GRM7: variants seen among roughly 807,000 people sequenced by gnomAD.
The protein encoded by GRM7 is metabotropic glutamate receptor 7.
A neutral mutation model predicts 84.5 loss-of-function variants in GRM7; 35 were observed. That is an observed-to-expected ratio of 0.41 (90% confidence interval 0.32 to 0.55). The LOEUF (loss-of-function observed/expected upper bound fraction) is 0.55, where lower values mean the gene tolerates loss of function less well. Ranked by LOEUF, GRM7 falls within the 20% of genes least tolerant of loss-of-function variation. The probability of loss-of-function intolerance (pLI) is 0.19; values close to 1 mark genes in which losing one functional copy is unlikely to be tolerated. For missense variants in GRM7, 1,003 were observed against 1,194.6 expected, an observed-to-expected ratio of 0.84 and a Z score of 2.36; for synonymous variants, 487 against 455.1, an observed-to-expected ratio of 1.07 and a Z score of -0.89.
chr3:7,487,725 G>A (rs553014399), intron 7 of GRM7, among the ~76,000 whole-genome samples: 7 of 152,298 alleles, frequency 4.6e-5, no homozygotes, highest in Admixed American at 6.5e-5. Flanking sequence ...GGATGTATCC[G>A]GAAGACTGGG....
intron 9 of GRM7, among the ~76,000 whole-genome samples, chr3:7,696,586 G>A (rs79026811): frequency 0.016 from 2,455 of 152,288 alleles, 77 homozygotes; most frequent in African/African-American, 0.056. Flanking sequence ...ACCTTAAACA[G>A]AACACTTCCA....
chr3:7,489,698 A>G (rs576608732), intron 7 of GRM7, among the ~76,000 whole-genome samples: 3 of 152,114 alleles, frequency 2.0e-5, no homozygotes, highest in Admixed American at 6.6e-5. Flanking sequence ...ACAATATTAT[A>G]CATTGATTAA....
intron 1 of GRM7, among the ~76,000 whole-genome samples, chr3:7,111,618 T>C (rs1013338116): frequency 2.0e-5 from 3 of 152,164 alleles, no homozygotes; most frequent in African/African-American, 7.2e-5. Context: ...ACTCAATCTA[T>C]GATTAAAACA....
chr3:7,672,499 A>G (rs1376241894), intron 8 of GRM7, among the ~76,000 whole-genome samples: 2 of 152,182 alleles, frequency 1.3e-5, no homozygotes, highest in Non-Finnish European at 2.9e-5. Context: ...GACTCCATTA[A>G]AGCCTTTTTG....
intron 2 of GRM7, among the ~76,000 whole-genome samples, chr3:7,206,585 G>A (rs935871480): frequency 6.6e-6 from 1 of 152,112 alleles, no homozygotes; most frequent in Non-Finnish European, 1.5e-5. Flanking sequence ...TGGCTACATT[G>A]TATCATCTTG....
chr3:7,153,819 CA>C (rs5846492), intron 2 of GRM7, among the ~76,000 whole-genome samples: 33,333 of 149,574 alleles, frequency 0.22, 3,963 homozygotes, highest in Middle Eastern at 0.32. Flanking sequence ...AACAATAGGA[CA>C]AAAAAAAACC....
chr3:6,980,318 T>C (rs1575093740), intron 1 of GRM7, among the ~76,000 whole-genome samples: 1 of 152,312 alleles, frequency 6.6e-6, no homozygotes, highest in South Asian at 2.1e-4. Context: ...TGAAAACTGT[T>C]GATCTTCTCT....
chr3:7,412,685 A>G (rs1052807886), intron 4 of GRM7, among the ~76,000 whole-genome samples: 7 of 152,302 alleles, frequency 4.6e-5, no homozygotes, highest in African/African-American at 1.7e-4. Flanking sequence ...ATTGCTCAAC[A>G]TGTAACCAAT....
chr3:7,673,623 C>G (rs973425562), intron 8 of GRM7, among the ~76,000 whole-genome samples: 2 of 151,890 alleles, frequency 1.3e-5, no homozygotes, highest in African/African-American at 4.8e-5. Context: ...ATCACTTTAC[C>G]TGATAAAAAG....
intron 2 of GRM7, among the ~76,000 whole-genome samples, chr3:7,152,976 G>T (rs535995704): frequency 1.3e-5 from 2 of 152,054 alleles, no homozygotes; most frequent in East Asian, 3.9e-4. Flanking sequence ...CTGGGGCGAT[G>T]GAAAACCCAT....
intron 1 of GRM7, among the ~76,000 whole-genome samples, chr3:7,039,660 A>G: frequency 6.6e-6 from 1 of 152,170 alleles, no homozygotes; most frequent in Non-Finnish European, 1.5e-5. Flanking sequence ...ATACAAAGCT[A>G]AAATGCAGTT....
intron 4 of GRM7, among the ~76,000 whole-genome samples, chr3:7,406,223 G>A (rs946852607): frequency 2.0e-5 from 3 of 151,986 alleles, no homozygotes; most frequent in Admixed American, 6.6e-5. Context: ...TCTATCGGCC[G>A]GGCGTGGTGG....
At chr3:7,252,881 G>A (rs539445747) in intron 2 of GRM7, among the ~76,000 whole-genome samples, 15 of 151,166 alleles carry the variant, frequency 9.9e-5, no homozygotes, top group Non-Finnish European at 2.1e-4. Flanking sequence ...TAGTAGAGAC[G>A]GAGTTTCACC....
Position 6,861,247 on chromosome 3 carries a change from C to G in GRM7, c.-142C>G. On this transcript the variant is annotated 5_prime_UTR_variant, in exon 1 of 10. Transcript: ENST00000357716. The surrounding 1 kb of genome is among the most constrained non-coding windows in gnomAD (Gnocchi z 6.4). ...GGACCCCTCACCCTCTCTGGTCGCC[C>G]CTCCCCGGATTCCCCCACCCTCCGT... 1 of 666,136 alleles carries G rather than the reference C, an allele frequency of 1.5e-6. No individual in the cohort carries two copies. Among genetic ancestry groups the G allele is most frequent in the Non-Finnish European group, 2.3e-6 (1 of 444,284 alleles). 41.3% of individuals were successfully genotyped at this position (666,136 alleles called of 1,614,324 possible). A position where few individuals can be genotyped will look rare whatever the true frequency, so the allele number is the denominator to read the frequency against.
At chr3:6,952,066 G>T (rs1294990110) in intron 1 of GRM7, among the ~76,000 whole-genome samples, 1 of 151,602 alleles carries the variant, frequency 6.6e-6, no homozygotes, top group African/African-American at 2.4e-5. Flanking sequence ...CTATCATCTT[G>T]CTATTTGTTT....
At chr3:7,526,745 G>T (rs970060612) in intron 7 of GRM7, among the ~76,000 whole-genome samples, 9 of 151,958 alleles carry the variant, frequency 5.9e-5, no homozygotes, top group Non-Finnish European at 1.2e-4. Flanking sequence ...CCTGCGTATG[G>T]TTAGGTAATT....
chr3:7,577,648 C>A (rs1695030704), intron 7 of GRM7, among the ~76,000 whole-genome samples: 1 of 152,166 alleles, frequency 6.6e-6, no homozygotes, highest in Non-Finnish European at 1.5e-5. Context: ...TTCAATTAAG[C>A]AAATACATTC....
intron 8 of GRM7, among the ~76,000 whole-genome samples, chr3:7,589,574 G>A (rs1695683328): frequency 6.6e-6 from 1 of 152,144 alleles, no homozygotes; most frequent in Non-Finnish European, 1.5e-5. Context: ...TCTAGAAATG[G>A]CCGTGTAAGA....
chr3:7,429,893 G>A (rs1323498982), intron 5 of GRM7, among the ~76,000 whole-genome samples: 1 of 152,140 alleles, frequency 6.6e-6, no homozygotes, highest in African/African-American at 2.4e-5. Flanking sequence ...CTTATAAGCT[G>A]TTTCCTTTAG....
Sources: gnomAD v4.1 joint callset for allele counts (sites outside exome capture counted in the v4.1 genomes callset) on GRCh38, gnomAD v4.1.1 for gene constraint, Gnocchi (gnomAD v3.1) non-coding constraint, MANE v1.5 for transcripts, NCBI Gene and HGNC (gene_info 2026-07-23, HGNC 2026-07-21) for gene names.